GOLM2: variants seen among roughly 807,000 people sequenced by gnomAD.
GOLM2 encodes the protein protein GOLM2.
GOLM2 carries 26 observed loss-of-function variants against 55.9 expected under a neutral mutation model. That is an observed-to-expected ratio of 0.47 (90% CI 0.34 to 0.65). The LOEUF (loss-of-function observed/expected upper bound fraction) is 0.65. GOLM2 is among the 30% of genes least tolerant of loss of function. GOLM2 has a pLI of 0.01. For synonymous variants in GOLM2, 165 were observed against 194.6 expected, an observed-to-expected ratio of 0.85 and a Z score of 1.27; for missense variants, 486 against 531.8, an observed-to-expected ratio of 0.91 and a Z score of 0.85.
chr15:44,353,317 G>T (rs1439470403), intron 6 of GOLM2, among the ~76,000 whole-genome samples: 1 of 152,194 alleles, frequency 6.6e-6, no homozygotes, highest in Non-Finnish European at 1.5e-5. Flanking sequence ...CCACTATGAA[G>T]AACAGTTTGG....
At chr15:44,403,801 C>T (rs2079581323) in intron 9 of GOLM2, among the ~76,000 whole-genome samples, 1 of 152,146 alleles carries the variant, frequency 6.6e-6, no homozygotes, top group Non-Finnish European at 1.5e-5. Context: ...TGGTTTTCTC[C>T]ACACTGAAGA....
intron 6 of GOLM2, among the ~76,000 whole-genome samples, chr15:44,369,693 TACACACACACAC>T (rs3986148): frequency 1.2e-4 from 17 of 143,520 alleles, no homozygotes; most frequent in African/African-American, 4.0e-4. Context: ...TATATATGCA[TACACACACACAC>T]ACACACACAC....
intron 1 of GOLM2, chr15:44,308,059 A>T (rs1260550859): frequency 6.6e-6 from 1 of 152,254 alleles, no homozygotes; most frequent in African/African-American, 2.4e-5. Context: ...GTGGTAAAAC[A>T]TCTATAACAA....
chr15:44,350,125 GA>G (rs1316091228), intron 6 of GOLM2, among the ~76,000 whole-genome samples: 11 of 151,726 alleles, frequency 7.2e-5, no homozygotes, highest in Non-Finnish European at 1.5e-4. Flanking sequence ...TTAGTAGAAG[GA>G]AAAATAAAGA....
chr15:44,353,140 C>T (rs185744556), intron 6 of GOLM2, among the ~76,000 whole-genome samples: 3 of 152,218 alleles, frequency 2.0e-5, no homozygotes, highest in African/African-American at 7.2e-5. Flanking sequence ...AAAAAGTGCT[C>T]AATATCATTG....
intron 6 of GOLM2, among the ~76,000 whole-genome samples, chr15:44,372,055 C>G (rs1041128811): frequency 3.3e-5 from 5 of 152,106 alleles, no homozygotes; most frequent in African/African-American, 1.2e-4. Flanking sequence ...AAATTAGGAA[C>G]TAATCCAAAG....
rs61475806 is a variant in GOLM2 at position 44,289,494 on chromosome 15, C to G, written c.327+138C>G. The G allele has an allele frequency of 1.1e-3, 852 of 766,926 alleles. 8 individuals carry two copies. In the African/African-American group the frequency reaches 0.014, roughly 13 times the overall value. 47.5% of individuals were successfully genotyped at this position (766,926 alleles called of 1,614,324 possible). A position where few individuals can be genotyped will look rare whatever the true frequency, so the allele number is the denominator to read the frequency against. On this transcript the variant is annotated intron_variant, in intron 1 of 9. Coordinates refer to ENST00000299957, the MANE Select transcript of GOLM2 (RefSeq NM_138423.4). The surrounding 1 kb of genome is among the most constrained non-coding windows in gnomAD (Gnocchi z 4.8). ...AAGGCTCCTTTCACCCCCAACAACC[C>G]TGTTTCTGTCAGACTTTTCCCAGTT...
intron 1 of GOLM2, among the ~76,000 whole-genome samples, chr15:44,321,313 A>C (rs1461825854): frequency 6.6e-6 from 1 of 152,038 alleles, no homozygotes. Context: ...CTCTACTAAA[A>C]ATAAAAAAAT....
chr15:44,359,959 A>G (rs919260568), intron 6 of GOLM2, among the ~76,000 whole-genome samples: 1 of 150,756 alleles, frequency 6.6e-6, no homozygotes, highest in Non-Finnish European at 1.5e-5. Context: ...ACTAAGCTTC[A>G]TAAGTGAAGG....
At chr15:44,392,307 C>A (rs960401821) in intron 8 of GOLM2, among the ~76,000 whole-genome samples, 1 of 151,976 alleles carries the variant, frequency 6.6e-6, no homozygotes, top group Non-Finnish European at 1.5e-5. Context: ...ATAGCAGTTT[C>A]TCTTATTAAT....
At chr15:44,386,870 T>C (rs1349753338) in intron 8 of GOLM2, among the ~76,000 whole-genome samples, 1 of 150,714 alleles carries the variant, frequency 6.6e-6, no homozygotes, top group Non-Finnish European at 1.5e-5. Context: ...GCCCTGTCTC[T>C]GAAAAAATAA....
At chr15:44,378,746 C>A (rs2079381766) in intron 6 of GOLM2, among the ~76,000 whole-genome samples, 1 of 151,836 alleles carries the variant, frequency 6.6e-6, no homozygotes, top group Middle Eastern at 3.2e-3. Flanking sequence ...TGAAGAGATT[C>A]ATTTTATTTA....
chr15:44,306,239 A>G (rs953825635), intron 1 of GOLM2, among the ~76,000 whole-genome samples: 1 of 152,116 alleles, frequency 6.6e-6, no homozygotes, highest in Non-Finnish European at 1.5e-5. Context: ...TTTTCTGGAT[A>G]ACTTGCTGCA....
intron 8 of GOLM2, among the ~76,000 whole-genome samples, chr15:44,391,449 G>A (rs1261442815): frequency 1.3e-5 from 2 of 151,780 alleles, no homozygotes; most frequent in Admixed American, 6.6e-5. Context: ...CCCGGGAGGT[G>A]GAGGTTGCAG....
intron 8 of GOLM2, among the ~76,000 whole-genome samples, chr15:44,388,250 G>T (rs2079461733): frequency 7.1e-6 from 1 of 140,414 alleles, no homozygotes; most frequent in Admixed American, 7.1e-5. Context: ...CTCCAGCCTG[G>T]GCAACAGAGC....
chr15:44,326,932 G>T (rs1398352883), intron 2 of GOLM2, among the ~76,000 whole-genome samples: 1 of 149,094 alleles, frequency 6.7e-6, no homozygotes, highest in African/African-American at 2.5e-5. Flanking sequence ...TATTACAGGT[G>T]TGAGCCACCG....
intron 3 of GOLM2, among the ~76,000 whole-genome samples, 162 bp from the exon 4 acceptor site, chr15:44,331,826 T>G (rs2079023877): frequency 6.6e-6 from 1 of 152,212 alleles, no homozygotes; most frequent in Non-Finnish European, 1.5e-5. Flanking sequence ...TCAAGTATTT[T>G]AAAAGTTTTG....
At chr15:44,396,182 C>T (rs1165676878) in intron 8 of GOLM2, among the ~76,000 whole-genome samples, 1 of 152,024 alleles carries the variant, frequency 6.6e-6, no homozygotes, top group African/African-American at 2.4e-5. Context: ...TGGCGAAACC[C>T]CGTCTCTACT....
intron 3 of GOLM2, among the ~76,000 whole-genome samples, chr15:44,330,650 G>A (rs1490306709): frequency 2.6e-5 from 4 of 151,988 alleles, no homozygotes; most frequent in Non-Finnish European, 5.9e-5. Flanking sequence ...AGGATTGCTT[G>A]AGCCCAGGAG....
Sources: allele counts gnomAD v4.1 joint callset (sites outside exome capture counted in the v4.1 genomes callset), GRCh38; gene constraint gnomAD v4.1.1; non-coding constraint Gnocchi (gnomAD v3.1); transcripts MANE v1.5; gene names NCBI Gene and HGNC (gene_info 2026-07-23, HGNC 2026-07-21).